Variants in NLGN4X observed in about 807,000 individuals in gnomAD.
The protein encoded by NLGN4X is neuroligin 4 X-linked.
NLGN4X carries 3 observed loss-of-function variants against 40.3 expected under a neutral mutation model. That is an observed-to-expected ratio of 0.07 (90% CI 0.03 to 0.19). NLGN4X has a LOEUF of 0.19. NLGN4X is among the 10% of genes least tolerant of loss of function. The probability of loss-of-function intolerance (pLI) is 1.00; values close to 1 mark genes in which losing one functional copy is unlikely to be tolerated. For synonymous variants in NLGN4X, 270 were observed against 306.8 expected (o/e 0.88, Z 1.25); for missense variants, 382 against 708.3 (o/e 0.54, Z 5.23).
intron 2 of NLGN4X, among the ~76,000 whole-genome samples, chrX:6,140,457 GACACACACACACACACACAC>G (rs34281533): frequency 0.13 from 12,278 of 95,873 alleles, 561 homozygotes; most frequent in Admixed American, 0.17. Flanking sequence ...TTCACACACA[GACACACACACACACACACAC>G]ACACACACAC....
intron 1 of NLGN4X, among the ~76,000 whole-genome samples, chrX:6,158,874 C>T (rs1306111491): frequency 8.9e-6 from 1 of 112,266 alleles, no homozygotes; most frequent in Non-Finnish European, 1.9e-5. Context: ...TCAGCTCCCA[C>T]TTATGAGTGA....
chrX:5,974,058 C>T lies in NLGN4X; in HGVS notation c.625+55222G>A, dbSNP rs867716819. On this transcript the variant is annotated intron_variant, in intron 3 of 5. Transcript: ENST00000381095. ...TGGAAAAAGCAAGATGTAAAGAATG[C>T]TCTGTTGCACTGGCATTTCCATGGC... Among the ~76,000 whole-genome samples, 6 of 111,496 alleles carry T rather than the reference C, an allele frequency of 5.4e-5. No homozygotes were observed. In the South Asian group the frequency reaches 1.5e-3, roughly 28 times the overall value.
At chrX:5,927,491 CAGAT>C (rs988378251) in intron 3 of NLGN4X, among the ~76,000 whole-genome samples, 2 of 112,448 alleles carry the variant, frequency 1.8e-5, no homozygotes, top group African/African-American at 6.5e-5. Flanking sequence ...GTTCTTCTAA[CAGAT>C]GGATGGTATA....
At chrX:6,051,991 C>T (rs1602138219) in intron 2 of NLGN4X, among the ~76,000 whole-genome samples, 1 of 110,954 alleles carries the variant, frequency 9.0e-6, no homozygotes, top group African/African-American at 3.3e-5. Flanking sequence ...CTTGAAGATA[C>T]GTGTCGCCGT....
At chrX:6,083,792 G>A (rs1233361596) in intron 2 of NLGN4X, among the ~76,000 whole-genome samples, 1 of 112,196 alleles carries the variant, frequency 8.9e-6, no homozygotes. Flanking sequence ...GGTTTTAGAG[G>A]AAGAGCATCT....
intron 2 of NLGN4X, among the ~76,000 whole-genome samples, chrX:6,034,286 A>G: frequency 8.9e-6 from 1 of 111,843 alleles, no homozygotes; most frequent in Non-Finnish European, 1.9e-5. Flanking sequence ...TATGTTTTCA[A>G]TGTCCTTTCA....
chrX:5,944,501 TA>T (rs1316899639), intron 3 of NLGN4X, among the ~76,000 whole-genome samples: 2 of 108,595 alleles, frequency 1.8e-5, no homozygotes, highest in Non-Finnish European at 3.8e-5. Context: ...AAATAAAAAG[TA>T]GCCTGACATG....
chrX:5,955,495 T>A (rs1402795630), intron 3 of NLGN4X, among the ~76,000 whole-genome samples: 1 of 110,849 alleles, frequency 9.0e-6, no homozygotes, highest in Non-Finnish European at 1.9e-5. Context: ...AGAAAAAAAA[T>A]TCAGGGTCAG....
intron 3 of NLGN4X, among the ~76,000 whole-genome samples, chrX:5,978,323 T>TCC (rs2035267985): frequency 4.0e-5 from 2 of 49,932 alleles, no homozygotes; most frequent in Non-Finnish European, 7.2e-5. Context: ...TTTCTTTCTT[T>TCC]CTTTCTTTCT....
At chrX:6,092,496 T>C (rs896062219) in intron 2 of NLGN4X, among the ~76,000 whole-genome samples, 1 of 112,246 alleles carries the variant, frequency 8.9e-6, no homozygotes, top group African/African-American at 3.2e-5. Context: ...CCTACCTGCC[T>C]GGGGAAAGAA....
intron 2 of NLGN4X, among the ~76,000 whole-genome samples, chrX:6,107,493 C>T (rs1251887850): frequency 1.8e-5 from 2 of 111,627 alleles, no homozygotes; most frequent in Non-Finnish European, 3.8e-5. Context: ...GACAACCTCA[C>T]TGGGTCAAGC....
chrX:6,085,269 G>A (rs182980080), intron 2 of NLGN4X, among the ~76,000 whole-genome samples: 2 of 111,325 alleles, frequency 1.8e-5, no homozygotes, highest in African/African-American at 3.3e-5. Flanking sequence ...AGAAGAAGAG[G>A]AGGTTTAGGT....
chrX:5,898,933 C>A (rs1417453089), intron 5 of NLGN4X, among the ~76,000 whole-genome samples: 1 of 111,786 alleles, frequency 8.9e-6, no homozygotes, highest in Admixed American at 9.5e-5. Context: ...GTGATCGGGC[C>A]ACCACCCAAT....
chrX:5,903,322 G>A lies in NLGN4X; in HGVS notation c.1356C>T (p.Pro452=), dbSNP rs111519296. The A allele has an allele frequency of 6.0e-5, 72 of 1,209,736 alleles. No homozygotes were observed. Among genetic ancestry groups the A allele is most frequent in the African/African-American group, 1.9e-4 (11 of 57,100 alleles). ...CGTGCAGGTCGGCGGTGGCCACGGC[G>A]GGGGCCACCCACTGGTGGTCAGTAA... ...ALFTDHQWVA[P]AVATADLHAQ... is the part of the protein sequence containing the mutation. Residue 452 remains proline, a synonymous_variant, in exon 5 of 6, where the codon CCC becomes CCT. Coordinates refer to ENST00000381095, the MANE Select transcript of NLGN4X (RefSeq NM_181332.3).
chrX:5,967,639 GCTTCTAGT>G (rs2034873637), intron 3 of NLGN4X, among the ~76,000 whole-genome samples: 1 of 111,747 alleles, frequency 8.9e-6, no homozygotes, highest in Admixed American at 9.5e-5. Context: ...CTGGGAAAAT[GCTTCTAGT>G]CAAAGGTTAT....
chrX:5,905,767 C>T (rs1444559623), intron 4 of NLGN4X, among the ~76,000 whole-genome samples: 1 of 111,940 alleles, frequency 8.9e-6, no homozygotes, highest in African/African-American at 3.2e-5. Context: ...GGAGCCTCTG[C>T]CTTCCAGGCT....
chrX:5,980,071 T>A (rs190173754), intron 3 of NLGN4X, among the ~76,000 whole-genome samples: 36 of 106,871 alleles, frequency 3.4e-4, no homozygotes, highest in African/African-American at 1.1e-3. Flanking sequence ...ATATGTGTAG[T>A]ATACTGTATG....
intron 3 of NLGN4X, among the ~76,000 whole-genome samples, chrX:5,961,511 T>C (rs1489201191): frequency 8.9e-6 from 1 of 112,247 alleles, no homozygotes; most frequent in Non-Finnish European, 1.9e-5. Flanking sequence ...ACAGGTTGGA[T>C]GGGTATCAAA....
At chrX:6,218,322 A>T (rs1263174635) in intron 1 of NLGN4X, among the ~76,000 whole-genome samples, 6 of 111,722 alleles carry the variant, frequency 5.4e-5, no homozygotes, top group Non-Finnish European at 1.1e-4. Flanking sequence ...CTATATAATT[A>T]CCCTCTGAGA....
Sources: gnomAD v4.1 joint callset for allele counts (sites outside exome capture counted in the v4.1 genomes callset) on GRCh38, gnomAD v4.1.1 for gene constraint, MANE v1.5 for transcripts, NCBI Gene and HGNC (gene_info 2026-07-23, HGNC 2026-07-21) for gene names.